NSUN6: variants seen among roughly 807,000 people sequenced by gnomAD.
NSUN6 encodes NOP2/Sun RNA methyltransferase 6.
NSUN6 carries 64 observed loss-of-function variants against 58.0 expected under a neutral mutation model. The observed-to-expected ratio is 1.10, with a 90% CI of 0.90 to 1.36. The LOEUF is 1.36. Among genes scored for constraint, NSUN6 ranks in the 40% most tolerant of loss-of-function variants. The pLI is 0.00. For missense variants in NSUN6, 701 were observed against 550.1 expected, an observed-to-expected ratio of 1.27 and a Z score of -2.74; for synonymous variants, 231 against 193.9, an observed-to-expected ratio of 1.19 and a Z score of -1.59.
chr10:18,607,114 C>A (rs908025322), intron 6 of NSUN6, among the ~76,000 whole-genome samples: 9 of 152,120 alleles, frequency 5.9e-5, no homozygotes, highest in African/African-American at 2.2e-4. Flanking sequence ...TATTGAAAAG[C>A]ATTTTCATTT....
At chr10:18,612,108 G>A (rs2131332716) in intron 5 of NSUN6, among the ~76,000 whole-genome samples, 1 of 152,244 alleles carries the variant, frequency 6.6e-6, no homozygotes, top group African/African-American at 2.4e-5. Context: ...CTTCTGAAAT[G>A]TCACTGACTC....
chr10:18,586,186 T>C lies in NSUN6; in HGVS notation c.778-93A>G, dbSNP rs189311517. Reference sequence around the variant, plus strand: ...AAAATAATGAGAAAAACATGAAAAATTATGGTCTTTTCCACCATACTCCCA... The same window carrying C: ...AAAATAATGAGAAAAACATGAAAAACTATGGTCTTTTCCACCATACTCCCA... On this transcript the variant is annotated intron_variant, in intron 7 of 10. Coordinates refer to ENST00000377304, the MANE Select transcript of NSUN6 (RefSeq NM_182543.5). 156 of 1,032,748 alleles carry C rather than the reference T, an allele frequency of 1.5e-4. 1 individual carries two copies. In the Middle Eastern group the frequency reaches 1.5e-3, roughly 10 times the overall value. 64.0% of individuals were successfully genotyped at this position (1,032,748 alleles called of 1,614,324 possible). A position where few individuals can be genotyped will look rare whatever the true frequency, so the allele number is the denominator to read the frequency against.
At chr10:18,643,178 A>C (rs897233107) in intron 2 of NSUN6, among the ~76,000 whole-genome samples, 3 of 151,778 alleles carry the variant, frequency 2.0e-5, no homozygotes, top group Non-Finnish European at 2.9e-5. Flanking sequence ...TATACCACAG[A>C]AATCAACAAA....
At position 18,545,859 on chromosome 10, in the gene NSUN6, C is replaced by G. The variant is rs1348198401; in HGVS notation, c.*74G>C. On this transcript the variant is annotated 3_prime_UTR_variant, in exon 11 of 11. Transcript: ENST00000377304. ...CATCATCATTCAGTTGGCCTGACAA[C>G]ACTTTGGTTAAAAAAAAAAAAACCA... is the stretch of plus-strand genomic sequence containing the variant. 2.2e-6 allele frequency: 1 copy of G among 457,118 alleles called. No individual in the cohort carries two copies. Among genetic ancestry groups the G allele is most frequent in the African/African-American group, 4.6e-5 (1 of 21,804 alleles). 28.3% of individuals were successfully genotyped at this position (457,118 alleles called of 1,614,324 possible).
intron 9 of NSUN6, among the ~76,000 whole-genome samples, chr10:18,551,064 A>G (rs534853031): frequency 1.0e-3 from 159 of 152,282 alleles, no homozygotes; most frequent in African/African-American, 3.6e-3. Context: ...AATTTATTTT[A>G]TATCTAATTC....
At chr10:18,605,370 A>AG (rs148546670) in intron 6 of NSUN6, among the ~76,000 whole-genome samples, 38,368 of 151,952 alleles carry the variant, frequency 0.25, 5,594 homozygotes, top group East Asian at 0.74. Context: ...GCTGTTAATA[A>AG]GTAAGTAAAT....
chr10:18,548,664 C>T (rs1299433275), intron 9 of NSUN6, among the ~76,000 whole-genome samples: 1 of 152,178 alleles, frequency 6.6e-6, no homozygotes, highest in Non-Finnish European at 1.5e-5. Context: ...GTCTTACACT[C>T]CCGGGCTCAA....
chr10:18,657,982 G>GAA (rs35623248), upstream of NSUN6, among the ~76,000 whole-genome samples: 1 of 141,140 alleles, frequency 7.1e-6, no homozygotes. Context: ...CCGAAAGCCA[G>GAA]AAAAAAAAAA....
In NSUN6 at chr10:18,586,595, G is replaced by A. The variant is rs1289822497; in HGVS notation, c.778-502C>T. 2.0e-5 allele frequency among the ~76,000 whole-genome samples: 3 copies of A among 152,144 alleles called. No individual in the cohort carries two copies. In the East Asian group the frequency reaches 5.8e-4, roughly 29 times the overall value. On this transcript the variant is annotated intron_variant, in intron 7 of 10. Transcript: ENST00000377304. The stretch of plus-strand genomic sequence containing the variant: ...AGCTGTTCAAGGTGGTGCGTCCAGA[G>A]TTGTTTGTTCCTCCCAGTGGGTTCG...
intron 2 of NSUN6, among the ~76,000 whole-genome samples, chr10:18,644,563 G>A (rs1030807524): frequency 7.9e-5 from 12 of 151,460 alleles, no homozygotes; most frequent in Admixed American, 2.0e-4. Context: ...TTGGCCGGGC[G>A]CAGTGGCTCA....
At chr10:18,621,417 C>T (rs2058602307) in intron 3 of NSUN6, among the ~76,000 whole-genome samples, 1 of 152,004 alleles carries the variant, frequency 6.6e-6, no homozygotes, top group Non-Finnish European at 1.5e-5. Flanking sequence ...ATCACAGAAC[C>T]AAGGAATGGT....
chr10:18,609,184 A>T (rs1452359426), intron 6 of NSUN6, among the ~76,000 whole-genome samples: 1 of 152,068 alleles, frequency 6.6e-6, no homozygotes, highest in Non-Finnish European at 1.5e-5. Flanking sequence ...AGTAGTGCAC[A>T]CCTGTGGTCC....
At chr10:18,565,153 C>G (rs777965647) in intron 8 of NSUN6, among the ~76,000 whole-genome samples, 2 of 151,292 alleles carry the variant, frequency 1.3e-5, no homozygotes, top group Non-Finnish European at 3.0e-5. Context: ...GCATACCATT[C>G]TCCATTTCAT....
At chr10:18,551,244 T>TTGTGTGTGTGTG (rs35396134) in intron 9 of NSUN6, among the ~76,000 whole-genome samples, 5,932 of 127,036 alleles carry the variant, frequency 0.047, 196 homozygotes, top group East Asian at 0.091. Flanking sequence ...GTCCTCTCAG[T>TTGTGTGTGTGTG]TGTGTGTGTG....
intron 7 of NSUN6, among the ~76,000 whole-genome samples, chr10:18,588,582 A>G (rs6482545): frequency 0.62 from 93,976 of 152,108 alleles, 29,429 homozygotes; most frequent in East Asian, 0.98. Context: ...AGAGGAAGGA[A>G]CAGGCAGCAA....
At chr10:18,643,803 T>C (rs2059457605) in intron 2 of NSUN6, among the ~76,000 whole-genome samples, 1 of 152,216 alleles carries the variant, frequency 6.6e-6, no homozygotes, top group Non-Finnish European at 1.5e-5. Flanking sequence ...AAGTAACATT[T>C]GATTTAGACT....
chr10:18,611,748 GTC>G lies in NSUN6; in HGVS notation c.576-1824_576-1823del, dbSNP rs750915537. On this transcript the variant is annotated intron_variant, in intron 5 of 10. Coordinates refer to ENST00000377304, the MANE Select transcript of NSUN6 (RefSeq NM_182543.5). ...GGTGTGTGTGTGTGTGTGTGTGTGT[GTC>G]TGTGTGTGTACAGTCTCACTATGTT... 2.0e-3 allele frequency among the ~76,000 whole-genome samples: 300 copies of G among 147,614 alleles called. 1 individual carries two copies. Among genetic ancestry groups the G allele is most frequent in the African/African-American group, 1.9e-3 (76 of 39,474 alleles).
At chr10:18,552,665 A>C in intron 8 of NSUN6, among the ~76,000 whole-genome samples, 1 of 151,002 alleles carries the variant, frequency 6.6e-6, no homozygotes, top group Non-Finnish European at 1.5e-5. Context: ...ATTCTATTCC[A>C]TTCTCCATTC....
chr10:18,557,348 T>A (rs1240225752), intron 8 of NSUN6, among the ~76,000 whole-genome samples: 3 of 147,008 alleles, frequency 2.0e-5, no homozygotes, highest in Admixed American at 6.9e-5. Context: ...CAGAATGGAA[T>A]GGAGGATGGT....
Sources: gnomAD v4.1 joint callset for allele counts (sites outside exome capture counted in the v4.1 genomes callset) on GRCh38, gnomAD v4.1.1 for gene constraint, MANE v1.5 for transcripts, NCBI Gene and HGNC (gene_info 2026-07-23, HGNC 2026-07-21) for gene names.